Variants in MEI4 observed in about 807,000 individuals in gnomAD.
The protein encoded by MEI4 is meiosis-specific protein MEI4.
MEI4 carries 27 observed loss-of-function variants against 31.4 expected under a neutral mutation model. The ratio of observed to expected loss-of-function variants is 0.86; its 90% CI spans 0.63 to 1.19. MEI4 has a LOEUF of 1.19. Among genes scored for constraint, MEI4 ranks in the 50% most tolerant of loss-of-function variants. MEI4 has a pLI of 0.00. For missense variants in MEI4, 329 were observed against 398.9 expected (o/e 0.82, Z 1.49); for synonymous variants, 122 against 145.4 (o/e 0.84, Z 1.16).
intron 2 of MEI4, among the ~76,000 whole-genome samples, chr6:77,699,305 T>C (rs1035397266): frequency 6.7e-6 from 1 of 148,366 alleles, no homozygotes; most frequent in African/African-American, 2.5e-5. Context: ...TTCTCCTGCC[T>C]CAGCCTCCCA....
At chr6:77,893,948 A>G (rs577292940) in intron 4 of MEI4, among the ~76,000 whole-genome samples, 1 of 152,310 alleles carries the variant, frequency 6.6e-6, no homozygotes, top group Non-Finnish European at 1.5e-5. Flanking sequence ...AAACCTGCTC[A>G]TGTACCCCCT....
intron 3 of MEI4, among the ~76,000 whole-genome samples, chr6:77,794,494 C>G (rs1032658044): frequency 3.9e-5 from 6 of 152,050 alleles, no homozygotes; most frequent in African/African-American, 1.4e-4. Flanking sequence ...ACTCTGGAGG[C>G]AGAGCTTGCA....
At chr6:77,876,732 C>A (rs1255389383) in intron 4 of MEI4, among the ~76,000 whole-genome samples, 1 of 152,074 alleles carries the variant, frequency 6.6e-6, no homozygotes, top group Non-Finnish European at 1.5e-5. Flanking sequence ...ATAACAGGAA[C>A]CCCACCATGT....
chr6:77,920,297 C>T (rs192020166), intron 4 of MEI4, among the ~76,000 whole-genome samples: 83 of 152,148 alleles, frequency 5.5e-4, no homozygotes, highest in African/African-American at 1.9e-3. Context: ...AAAGCTTATC[C>T]ACCATGATCA....
At chr6:77,841,333 A>ATATATATATATTTTTTTTTTT in intron 4 of MEI4, among the ~76,000 whole-genome samples, 3 of 27,736 alleles carry the variant, frequency 1.1e-4, no homozygotes, top group East Asian at 2.2e-3. Flanking sequence ...ATATATATAT[A>ATATATATATATTTTTTTTTTT]TTTTTTTTTT....
intron 4 of MEI4, among the ~76,000 whole-genome samples, chr6:77,853,359 TA>T (rs968608530): frequency 1.3e-5 from 2 of 152,204 alleles, no homozygotes; most frequent in Non-Finnish European, 2.9e-5. Context: ...TAATGTAAGA[TA>T]AAAAACTTTT....
rs780774470 is a variant in MEI4, at chr6:77,847,058, G to T, written c.900+17996G>T. Among the ~76,000 whole-genome samples the T allele has an allele frequency of 2.0e-5, 3 of 152,134 alleles. No individual in the cohort carries two copies. The highest frequency in any genetic ancestry group is 4.4e-5 in the Non-Finnish European group (3 of 68,030). On this transcript the variant is annotated intron_variant, in intron 4 of 4. Coordinates refer to ENST00000684080, the MANE Select transcript of MEI4 (RefSeq NM_001322247.2). The surrounding 1 kb of genome is among the most constrained non-coding windows in gnomAD (Gnocchi z 4.6). ...TAACAACAATGACTGTCATCTTAAA[G>T]GGTTCTGTGCTTTTACTAGGAGTTG...
intron 3 of MEI4, among the ~76,000 whole-genome samples, chr6:77,811,419 T>C (rs1278256083): frequency 1.3e-5 from 2 of 152,178 alleles, no homozygotes; most frequent in Non-Finnish European, 2.9e-5. Context: ...ACAAATTTTA[T>C]GAGAGTTCAT....
chr6:77,812,586 A>G (rs970309012), intron 3 of MEI4, among the ~76,000 whole-genome samples: 3 of 152,134 alleles, frequency 2.0e-5, no homozygotes, highest in Admixed American at 2.0e-4. Context: ...GTAAGTGATC[A>G]TGGGTGATAC....
rs192958989 is a variant in MEI4 at position 77,761,563 on chromosome 6, C to T, written c.666C>T (p.Asp222=). 2.7e-5 allele frequency: 33 copies of T among 1,231,870 alleles called. No individual in the cohort carries two copies. The highest frequency in any genetic ancestry group is 3.3e-5 in the Non-Finnish European group (33 of 987,842). The allele number at this position is 1,231,870 out of a possible 1,614,324, so 76.3% of individuals were successfully genotyped here. The part of the protein sequence containing the change: ...AVGTLASLIS[D]YNLSSHILKK... ...GTACTTTAGCTAGTCTGATCAGTGA[C>T]TATAACTTATCTAGTCATATTCTTA... The change falls in exon 3 of 5, where the codon GAC becomes GAT. Residue 222 remains aspartate, a synonymous_variant. Coordinates refer to ENST00000684080, the MANE Select transcript of MEI4 (RefSeq NM_001322247.2).
At chr6:77,868,042 G>A (rs1022144434) in intron 4 of MEI4, among the ~76,000 whole-genome samples, 2 of 150,176 alleles carry the variant, frequency 1.3e-5, no homozygotes, top group African/African-American at 4.9e-5. Flanking sequence ...CACAGGAAGG[G>A]GAACATCACA....
chr6:77,795,955 A>G (rs1769063726), intron 3 of MEI4, among the ~76,000 whole-genome samples: 1 of 152,200 alleles, frequency 6.6e-6, no homozygotes, highest in East Asian at 1.9e-4. Flanking sequence ...CAGTACAAGA[A>G]AAGGAAGTAC....
intron 1 of MEI4, among the ~76,000 whole-genome samples, chr6:77,682,044 CAT>C (rs1380123007): frequency 1.3e-5 from 2 of 152,202 alleles, no homozygotes; most frequent in Non-Finnish European, 2.9e-5. Context: ...CCAAAAATTA[CAT>C]GTTAGACCTT....
At chr6:77,875,121 C>T (rs1025917423) in intron 4 of MEI4, among the ~76,000 whole-genome samples, 3 of 152,198 alleles carry the variant, frequency 2.0e-5, no homozygotes, top group Non-Finnish European at 4.4e-5. Context: ...TGGTTACTCT[C>T]AAGGCCTTCA....
chr6:77,664,644 A>G (rs993126676), intron 1 of MEI4, among the ~76,000 whole-genome samples: 3 of 151,970 alleles, frequency 2.0e-5, no homozygotes, highest in Non-Finnish European at 4.4e-5. Context: ...GGAAGATTAG[A>G]AAGACTCAGC....
intron 3 of MEI4, among the ~76,000 whole-genome samples, chr6:77,801,333 G>A (rs1769250474): frequency 6.6e-6 from 1 of 152,112 alleles, no homozygotes. Flanking sequence ...GGGATTGGTG[G>A]TGATATCCCC....
intron 4 of MEI4, among the ~76,000 whole-genome samples, chr6:77,834,602 G>A (rs1770167771): frequency 6.6e-6 from 1 of 151,998 alleles, no homozygotes; most frequent in African/African-American, 2.4e-5. Flanking sequence ...TGCTTTGCCA[G>A]TCCAGCTGAG....
At chr6:77,901,885 A>G (rs191980899) in intron 4 of MEI4, among the ~76,000 whole-genome samples, 23 of 152,230 alleles carry the variant, frequency 1.5e-4, no homozygotes, top group African/African-American at 5.3e-4. Flanking sequence ...TGATTTTTGT[A>G]TATGGTGTGA....
At chr6:77,788,122 C>T (rs1041622462) in intron 3 of MEI4, among the ~76,000 whole-genome samples, 8 of 152,088 alleles carry the variant, frequency 5.3e-5, no homozygotes, top group African/African-American at 1.4e-4. Flanking sequence ...AAATGTAATC[C>T]AGCATATAAA....
Sources: gnomAD v4.1 joint callset for allele counts (sites outside exome capture counted in the v4.1 genomes callset) on GRCh38, gnomAD v4.1.1 for gene constraint, Gnocchi (gnomAD v3.1) non-coding constraint, MANE v1.5 for transcripts, NCBI Gene and HGNC (gene_info 2026-07-23, HGNC 2026-07-21) for gene names.